Variants in PRKCH observed in about 807,000 individuals in gnomAD.
PRKCH encodes the protein protein kinase C eta, also known as protein kinase C eta type.
Under a neutral mutation model 82.5 loss-of-function variants are expected in PRKCH, and 28 were observed. That is an observed-to-expected ratio of 0.34 (90% CI 0.25 to 0.47). PRKCH has a LOEUF of 0.47. Among genes scored for constraint, PRKCH ranks in the 20% least tolerant of loss-of-function variants. PRKCH has a pLI of 1.00. For missense variants in PRKCH, 705 were observed against 881.8 expected (o/e 0.80, Z 2.54); for synonymous variants, 322 against 327.4 (o/e 0.98, Z 0.18).
intron 1 of PRKCH, among the ~76,000 whole-genome samples, chr14:61,366,231 G>A (rs888111313): frequency 6.6e-6 from 1 of 152,056 alleles, no homozygotes; most frequent in Non-Finnish European, 1.5e-5. Context: ...AATTTCTGTC[G>A]TTCAAGTTTG....
At chr14:61,293,065 G>C (rs1345962653) in intron 1 of PRKCH, among the ~76,000 whole-genome samples, 1 of 152,172 alleles carries the variant, frequency 6.6e-6, no homozygotes, top group Non-Finnish European at 1.5e-5. Flanking sequence ...CATGACTAAA[G>C]AGTGAAAGTG....
chr14:61,265,040 A>AT (rs1405760930), intron 1 of PRKCH, among the ~76,000 whole-genome samples: 1 of 152,086 alleles, frequency 6.6e-6, no homozygotes, highest in Admixed American at 6.6e-5. Flanking sequence ...TGTCATTACA[A>AT]TTTTTTTTAA....
intron 2 of PRKCH, among the ~76,000 whole-genome samples, chr14:61,400,105 T>G (rs1467356055): frequency 6.6e-6 from 1 of 152,180 alleles, no homozygotes; most frequent in African/African-American, 2.4e-5. Flanking sequence ...TTGCCTCAGT[T>G]TTTAGCTCAC....
At chr14:61,536,045 T>C (rs1238510734) in intron 12 of PRKCH, among the ~76,000 whole-genome samples, 1 of 152,218 alleles carries the variant, frequency 6.6e-6, no homozygotes, top group Non-Finnish European at 1.5e-5. Context: ...TCTTCACAAA[T>C]GAAGGGAAAT....
chr14:61,305,961 T>G (rs1959664), intron 1 of PRKCH: 1 of 152,238 alleles, frequency 6.6e-6, no homozygotes, highest in Non-Finnish European at 1.5e-5. Context: ...TTATCTTCTT[T>G]TAAATGGTGT....
At chr14:61,396,841 T>C (rs1388582407) in intron 2 of PRKCH, among the ~76,000 whole-genome samples, 4 of 152,162 alleles carry the variant, frequency 2.6e-5, no homozygotes, top group African/African-American at 9.7e-5. Context: ...ATGTGTGGGC[T>C]TGCCCAGGAC....
At chr14:61,335,586 AC>A (rs987569430) in intron 1 of PRKCH, among the ~76,000 whole-genome samples, 2 of 151,952 alleles carry the variant, frequency 1.3e-5, no homozygotes, top group African/African-American at 2.4e-5. Flanking sequence ...AAAAACCACA[AC>A]CCCCCCATCT....
At chr14:61,378,618 C>T (rs1566846770) in intron 1 of PRKCH, among the ~76,000 whole-genome samples, 1 of 152,118 alleles carries the variant, frequency 6.6e-6, no homozygotes, top group African/African-American at 2.4e-5. Context: ...TTAAGGACAG[C>T]CCAGTAGATG....
intron 1 of PRKCH, among the ~76,000 whole-genome samples, chr14:61,242,042 A>G (rs2044843954): frequency 1.3e-5 from 2 of 152,230 alleles, no homozygotes; most frequent in South Asian, 2.1e-4. Context: ...AATCCCATAT[A>G]ATATGAATTA....
intron 1 of PRKCH, among the ~76,000 whole-genome samples, chr14:61,314,502 C>T (rs142455462): frequency 8.9e-4 from 136 of 152,262 alleles, no homozygotes; most frequent in Non-Finnish European, 1.6e-3. Flanking sequence ...TTTATGAAGT[C>T]GTTGCTCTTG....
intron 1 of PRKCH, among the ~76,000 whole-genome samples, chr14:61,292,439 A>G (rs1178061849): frequency 3.3e-5 from 5 of 152,150 alleles, no homozygotes; most frequent in Admixed American, 2.6e-4. Flanking sequence ...CTGTGATCAC[A>G]CCACTAGACT....
chr14:61,511,689 G>A (rs1225936373), intron 10 of PRKCH, among the ~76,000 whole-genome samples: 1 of 152,218 alleles, frequency 6.6e-6, no homozygotes, highest in African/African-American at 2.4e-5. Context: ...CCCTGCCTTG[G>A]CACATGATCC....
chr14:61,489,590 G>T (rs562059955), intron 10 of PRKCH, among the ~76,000 whole-genome samples: 1 of 152,186 alleles, frequency 6.6e-6, no homozygotes, highest in Non-Finnish European at 1.5e-5. Flanking sequence ...TTGGTTGGAG[G>T]GTCTGGAACC....
At chr14:61,254,845 T>G (rs896075586) in intron 1 of PRKCH, among the ~76,000 whole-genome samples, 7 of 152,194 alleles carry the variant, frequency 4.6e-5, no homozygotes, top group Non-Finnish European at 7.3e-5. Context: ...GAGAATCCAA[T>G]TTTTCTGGTG....
chr14:61,201,150 T>C (rs2044478000), intron 1 of PRKCH, among the ~76,000 whole-genome samples: 1 of 152,194 alleles, frequency 6.6e-6, no homozygotes, highest in African/African-American at 2.4e-5. Context: ...AACACCTTCC[T>C]AATGGATTCA....
chr14:61,535,767 C>G (rs911305871), intron 12 of PRKCH, among the ~76,000 whole-genome samples: 2 of 152,208 alleles, frequency 1.3e-5, no homozygotes, highest in Non-Finnish European at 2.9e-5. Context: ...GACCAACAGA[C>G]TGGAGTATTT....
At chr14:61,270,875 G>T (rs1243794916) in intron 1 of PRKCH, among the ~76,000 whole-genome samples, 1 of 152,222 alleles carries the variant, frequency 6.6e-6, no homozygotes, top group Non-Finnish European at 1.5e-5. Context: ...TCAGGAGGCT[G>T]AGGTGGGAGG....
At chr14:61,415,259 C>G (rs1312789832) in intron 2 of PRKCH, among the ~76,000 whole-genome samples, 1 of 152,210 alleles carries the variant, frequency 6.6e-6, no homozygotes, top group Non-Finnish European at 1.5e-5. Context: ...TGCACCTCTC[C>G]CTCCCCAACA....
At chr14:61,218,871 C>T (rs1473266631) in intron 1 of PRKCH, among the ~76,000 whole-genome samples, 1 of 152,210 alleles carries the variant, frequency 6.6e-6, no homozygotes, top group African/African-American at 2.4e-5. Flanking sequence ...AGCTTTTCCA[C>T]AGGAGCATCA....
Sources: gnomAD v4.1 joint callset for allele counts (sites outside exome capture counted in the v4.1 genomes callset) on GRCh38, gnomAD v4.1.1 for gene constraint, MANE v1.5 for transcripts, NCBI Gene and HGNC (gene_info 2026-07-23, HGNC 2026-07-21) for gene names.